The following LAMA4 variants were observed in gnomAD, a reference collection of about 807,000 sequenced individuals.
LAMA4 encodes laminin subunit alpha 4.
Under a neutral mutation model 207.1 loss-of-function variants are expected in LAMA4, and 127 were observed. The ratio of observed to expected loss-of-function variants is 0.61; its 90% CI spans 0.53 to 0.71. The LOEUF (loss-of-function observed/expected upper bound fraction) is 0.71, where lower values mean the gene tolerates loss of function less well. Ranked by LOEUF, LAMA4 falls within the 30% of genes least tolerant of loss-of-function variation. The pLI, the probability that LAMA4 is intolerant of heterozygous loss-of-function variation, is 0.00. For missense variants in LAMA4, 2,093 were observed against 2,246.5 expected (o/e 0.93, Z 1.38); for synonymous variants, 761 against 816.0 (o/e 0.93, Z 1.15).
At chr6:112,234,410 G>A (rs1485365814) in intron 2 of LAMA4, 2 of 152,038 alleles carry the variant, frequency 1.3e-5, no homozygotes, top group Non-Finnish European at 2.9e-5. Context: ...CTGAGATATA[G>A]CACATAAAGT....
intron 24 of LAMA4, among the ~76,000 whole-genome samples, chr6:112,138,705 CAA>C (rs1162911856): frequency 6.6e-6 from 1 of 151,862 alleles, no homozygotes; most frequent in Admixed American, 6.6e-5. Context: ...CATTTATAAA[CAA>C]AGATATATAT....
intron 2 of LAMA4, among the ~76,000 whole-genome samples, chr6:112,241,162 A>AATATATATGAATATATATATGAAT (rs1786449649): frequency 5.4e-5 from 3 of 55,550 alleles, no homozygotes; most frequent in African/African-American, 2.0e-4. Context: ...TATATATATG[A>AATATATATGAATATATATATGAAT]ATATATATGA....
rs782171964 is a variant in LAMA4, at chr6:112,165,147, C to T, written c.1668+13G>A. On this transcript the variant is annotated intron_variant, in intron 13 of 38. Transcript: ENST00000230538. ...TGGAAATACAAACCTGAACAAGTCA[C>T]GTGCGTCCTTACCTTTATTATATCA... 5.5e-6 allele frequency: 8 copies of T among 1,451,920 alleles called. No individual in the cohort carries two copies. Among genetic ancestry groups the T allele is most frequent in the African/African-American group, 2.8e-5 (2 of 71,834 alleles). 89.9% of individuals were successfully genotyped at this position (1,451,920 alleles called of 1,614,324 possible).
Position 112,179,771 on chromosome 6 carries a change from T to C in LAMA4, c.1078-1539A>G, listed in dbSNP as rs190296088. ...CAAACACATGCCCAGAGGCTTTTTA[T>C]TGGAGAAGGGTAATCCCCTCCCTAC... On this transcript the variant is annotated intron_variant, in intron 9 of 38. Coordinates refer to ENST00000230538, the MANE Select transcript of LAMA4 (RefSeq NM_001105206.3). 1,022 of 292,224 alleles carry C rather than the reference T, an allele frequency of 3.5e-3. 3 individuals carry two copies. The highest frequency in any genetic ancestry group is 6.6e-3 in the Middle Eastern group (16 of 2,412). 18.1% of individuals were successfully genotyped at this position (292,224 alleles called of 1,614,324 possible). A position where few individuals can be genotyped will look rare whatever the true frequency, so the allele number is the denominator to read the frequency against.
chr6:112,155,464 C>T, intron 15 of LAMA4, 101 bp downstream of exon 15: 3 of 1,333,964 alleles, frequency 2.2e-6, no homozygotes, highest in Non-Finnish European at 3.2e-6. Flanking sequence ...TCCACTCTTT[C>T]TGCCATTTGG....
At chr6:112,176,354 G>A (rs536015352) in intron 10 of LAMA4, among the ~76,000 whole-genome samples, 2 of 152,316 alleles carry the variant, frequency 1.3e-5, no homozygotes, top group South Asian at 4.1e-4. Context: ...ATTTTATCTT[G>A]CTGGCATAAA....
intron 13 of LAMA4, 21 bp from the exon 14 acceptor site, chr6:112,158,901 A>G: frequency 1.3e-6 from 2 of 1,515,268 alleles, no homozygotes; most frequent in Non-Finnish European, 1.8e-6. Flanking sequence ...AAATTTTAAT[A>G]AATACATTGA....
chr6:112,190,271 G>T (rs1195018467), intron 6 of LAMA4, among the ~76,000 whole-genome samples: 3 of 152,088 alleles, frequency 2.0e-5, no homozygotes, highest in African/African-American at 7.2e-5. Context: ...TCTGCTGTCC[G>T]CCTTCTCTCT....
At chr6:112,135,904 G>T in intron 25 of LAMA4, 1 of 481,090 alleles carries the variant, frequency 2.1e-6, no homozygotes, top group Non-Finnish European at 3.8e-6. Flanking sequence ...ATCTTTCAGT[G>T]ACTTTTAAAT....
intron 16 of LAMA4, among the ~76,000 whole-genome samples, chr6:112,154,167 C>T (rs868971835): frequency 6.6e-6 from 1 of 151,972 alleles, no homozygotes; most frequent in South Asian, 2.1e-4. Flanking sequence ...TTAGTCCATT[C>T]GATTGTTTTT....
chr6:112,236,748 T>G (rs1441303429), intron 2 of LAMA4: 2 of 152,122 alleles, frequency 1.3e-5, no homozygotes, highest in Non-Finnish European at 2.9e-5. Context: ...AAAACTAAAG[T>G]TTTTGATGCT....
chr6:112,224,978 G>T (rs1164578966), intron 2 of LAMA4, among the ~76,000 whole-genome samples: 2 of 149,508 alleles, frequency 1.3e-5, no homozygotes, highest in Non-Finnish European at 3.0e-5. Flanking sequence ...GGCAGGGGAC[G>T]GGGAAGGGGC....
intron 31 of LAMA4, among the ~76,000 whole-genome samples, chr6:112,123,712 TG>T (rs1481148569): frequency 6.6e-6 from 1 of 152,160 alleles, no homozygotes; most frequent in Non-Finnish European, 1.5e-5. Context: ...AGTTGGATTT[TG>T]GCAGTGGAGA....
At chr6:112,186,748 C>T (rs1782706052) in intron 8 of LAMA4, 2 of 448,366 alleles carry the variant, frequency 4.5e-6, no homozygotes, top group East Asian at 7.0e-5. Flanking sequence ...TTAATTGTTG[C>T]ATTATTTTTT....
At position 112,155,581 on chromosome 6, in the gene LAMA4, G is replaced by A. The variant is rs1554336718; in HGVS notation, c.1943C>T (p.Thr648Ile). Residue 648 changes from threonine (T) to isoleucine (I), a missense_variant, in exon 15 of 39, where the codon ACT (threonine) becomes ATT (isoleucine). By Grantham distance (89) the Thr-to-Ile change is moderately conservative. This residue lies in a region of LAMA4 where 1,704 missense variants were observed against 1,788.4 expected (regional missense o/e 0.95). Coordinates refer to ENST00000230538, the MANE Select transcript of LAMA4 (RefSeq NM_001105206.3). ...NETAEFALNT[T>I]DRIYDAVSGI... ...AATACTCACATCATAAATTCGGTCA[G>A]TGGTGTTCAAAGCAAATTCTGCTGT... The A allele has an allele frequency of 6.2e-7, 1 of 1,614,170 alleles. No individual in the cohort carries two copies. Among genetic ancestry groups the A allele is most frequent in the Non-Finnish European group, 8.5e-7 (1 of 1,180,008 alleles).
chr6:112,250,585 T>C (rs1787372959), intron 2 of LAMA4, among the ~76,000 whole-genome samples: 1 of 152,218 alleles, frequency 6.6e-6, no homozygotes. Flanking sequence ...ATGTTGTCAA[T>C]TGTATCCCTT....
intron 2 of LAMA4, among the ~76,000 whole-genome samples, chr6:112,228,875 C>A (rs1357492485): frequency 1.3e-5 from 2 of 152,130 alleles, no homozygotes; most frequent in Non-Finnish European, 2.9e-5. Context: ...TCTGGGGGGA[C>A]AGGTGCAGAG....
chr6:112,246,711 G>A (rs555392727), intron 2 of LAMA4, among the ~76,000 whole-genome samples: 4 of 151,914 alleles, frequency 2.6e-5, no homozygotes, highest in African/African-American at 4.8e-5. Flanking sequence ...TAGTAGAGGC[G>A]GGGTCTCACC....
At position 112,216,735 on chromosome 6, in the gene LAMA4, A is replaced by G. The variant is rs559598288; in HGVS notation, c.196-266T>C. On this transcript the variant is annotated intron_variant, in intron 2 of 38. Transcript: ENST00000230538. ...ACAGAAATGCCTTTAACACTGTCTT[A>G]TCATTGCAAGGAAGAATAAGAAGGT... 68 of 455,376 alleles carry G rather than the reference A, an allele frequency of 1.5e-4. 1 individual carries two copies. The highest frequency in any genetic ancestry group is 1.3e-3 in the African/African-American group (65 of 50,510). The allele number at this position is 455,376 out of a possible 1,614,324, so 28.2% of individuals were successfully genotyped here.
Sources: gnomAD v4.1 joint callset for allele counts (sites outside exome capture counted in the v4.1 genomes callset) on GRCh38, gnomAD v4.1.1 for gene constraint, gnomAD v4.1.1 regional missense constraint, MANE v1.5 for transcripts, NCBI Gene and HGNC (gene_info 2026-07-23, HGNC 2026-07-21) for gene names.